TRIOBP: variants seen among roughly 807,000 people sequenced by gnomAD.
TRIOBP encodes TRIO and F-actin binding protein, also known as TRIO and F-actin-binding protein.
Under a neutral mutation model 238.8 loss-of-function variants are expected in TRIOBP, and 169 were observed. The observed-to-expected ratio is 0.71, with a 90% CI of 0.62 to 0.80. The LOEUF (loss-of-function observed/expected upper bound fraction) is 0.80. TRIOBP is among the 30% of genes least tolerant of loss of function. The pLI is 0.00. For missense variants in TRIOBP, 2,838 were observed against 3,122.6 expected (o/e 0.91, Z 2.17); for synonymous variants, 1,150 against 1,274.4 (o/e 0.90, Z 2.08).
At chr22:37,710,401 G>T in intron 3 of TRIOBP, 26 bp from the exon 4 acceptor site, 2 of 1,612,534 alleles carry the variant, frequency 1.2e-6, no homozygotes, top group Non-Finnish European at 8.5e-7. Context: ...GCGCTGAGCT[G>T]TCTCCTCTCT....
Position 37,735,241 on chromosome 22 carries a change from G to A in TRIOBP, c.4905G>A (p.Glu1635=). ...ACAGCCAGCCAGAAGGCTGGGCCGA[G>A]GCCACCCCAGTCAATGGACACAGCC... ...ESHSQPEGWA[E]ATPVNGHSPA... Residue 1635 remains glutamate (E), a synonymous_variant, in exon 9 of 24, where the codon GAG becomes GAA. Coordinates refer to ENST00000644935, the MANE Select transcript of TRIOBP (RefSeq NM_001039141.3). The A allele has an allele frequency of 6.2e-7, 1 of 1,604,210 alleles. No individual in the cohort carries two copies. Among genetic ancestry groups the A allele is most frequent in the African/African-American group, 1.3e-5 (1 of 74,840 alleles).
intron 3 of TRIOBP, among the ~76,000 whole-genome samples, chr22:37,707,419 G>A (rs1923001880): frequency 6.6e-6 from 1 of 152,124 alleles, no homozygotes; most frequent in African/African-American, 2.4e-5. Context: ...AGGAATGGGT[G>A]GGTTTTTTTT....
chr22:37,754,303 C>T (rs575078538), intron 12 of TRIOBP, among the ~76,000 whole-genome samples: 10 of 150,592 alleles, frequency 6.6e-5, no homozygotes, highest in African/African-American at 2.2e-4. Context: ...CCCAGCTACT[C>T]GGGAGGCTAA....
chr22:37,747,363 T>G (rs1925337251), intron 11 of TRIOBP, among the ~76,000 whole-genome samples: 1 of 150,838 alleles, frequency 6.6e-6, no homozygotes, highest in African/African-American at 2.4e-5. Context: ...GACAGCCCAG[T>G]GGCCCTCCTG....
At chr22:37,736,289 T>C (rs1185169651) in intron 9 of TRIOBP, among the ~76,000 whole-genome samples, 1 of 152,154 alleles carries the variant, frequency 6.6e-6, no homozygotes, top group African/African-American at 2.4e-5. Flanking sequence ...CACCAGCCTC[T>C]CTCTCTCTCT....
At chr22:37,733,993 G>A (rs1335635788) in intron 8 of TRIOBP, among the ~76,000 whole-genome samples, 1 of 152,236 alleles carries the variant, frequency 6.6e-6, no homozygotes, top group East Asian at 1.9e-4. Flanking sequence ...GCAGATTTCA[G>A]GGAAAGCCTT....
At chr22:37,697,954 C>A (rs1403158995) in intron 2 of TRIOBP, among the ~76,000 whole-genome samples, 1 of 152,054 alleles carries the variant, frequency 6.6e-6, no homozygotes, top group African/African-American at 2.4e-5. Context: ...AATCCCAGCA[C>A]TTTGGGAGGT....
intron 7 of TRIOBP, 56 bp from the exon 8 acceptor site, chr22:37,733,242 G>A (rs1924508322): frequency 1.5e-6 from 2 of 1,361,234 alleles, no homozygotes; most frequent in African/African-American, 1.4e-5. Flanking sequence ...GAGCAGAGGG[G>A]CTGGGGTGCT....
At position 37,746,285 on chromosome 22, in the gene TRIOBP, G is replaced by C. The variant is rs769533499; in HGVS notation, c.5322+5253G>C. ...GGCAGCGTCGGGGAAAGGAAGGGCC[G>C]GAGGCGCGGCGGCGGGCGGCCGAGA... On this transcript the variant is annotated intron_variant, in intron 11 of 23. Coordinates refer to ENST00000644935, the MANE Select transcript of TRIOBP (RefSeq NM_001039141.3). 9.2e-6 allele frequency: 10 copies of C among 1,088,996 alleles called. No individual in the cohort carries two copies. The Middle Eastern group carries it at 1.6e-3, about 177-fold the overall frequency. The allele number at this position is 1,088,996 out of a possible 1,614,324, so 67.5% of individuals were successfully genotyped here.
chr22:37,729,047 C>A (rs1924305691), intron 7 of TRIOBP, among the ~76,000 whole-genome samples: 1 of 152,156 alleles, frequency 6.6e-6, no homozygotes, highest in African/African-American at 2.4e-5. Flanking sequence ...TCCCGAGGAG[C>A]TGGGACTACA....
rs1453192386 is a variant in TRIOBP at position 37,733,377 on chromosome 22, C to T, written c.4027C>T (p.Leu1343Phe). 1 of 1,551,202 alleles carries T rather than the reference C, an allele frequency of 6.4e-7. No individual in the cohort carries two copies. The highest frequency in any genetic ancestry group is 2.4e-5 in the East Asian group (1 of 40,998). Reference sequence around the variant, plus strand: ...GCCCAGCCAAGGCCAGAGCCAACTTCTCCGAAGACAGTCCAGCCCTGCCCC... The same window carrying T: ...GCCCAGCCAAGGCCAGAGCCAACTTTTCCGAAGACAGTCCAGCCCTGCCCC... Reference protein sequence around the residue: ...QQPSQGQSQLLRRQSSPAPSR... With the variant: ...QQPSQGQSQLFRRQSSPAPSR... Residue 1343 changes from leucine to phenylalanine, a missense_variant, in exon 8 of 24, where the codon CTC becomes TTC. Coordinates refer to ENST00000644935, the MANE Select transcript of TRIOBP (RefSeq NM_001039141.3).
intron 4 of TRIOBP, among the ~76,000 whole-genome samples, 173 bp from the exon 5 acceptor site, chr22:37,713,037 A>G (rs1335391517): frequency 6.6e-6 from 1 of 151,910 alleles, no homozygotes; most frequent in African/African-American, 2.4e-5. Context: ...GTTTTAGCTC[A>G]ATGAGGCAAT....
intron 7 of TRIOBP, among the ~76,000 whole-genome samples, chr22:37,731,870 G>A (rs1412774895): frequency 3.3e-5 from 5 of 152,212 alleles, no homozygotes; most frequent in South Asian, 2.1e-4. Context: ...GATTACAGGC[G>A]TGACCCATTG....
Position 37,746,044 on chromosome 22 carries a change from CCCCGCCGT to C in TRIOBP, c.5322+5028_5322+5035del, listed in dbSNP as rs1180717810. On this transcript the variant is annotated intron_variant, in intron 11 of 23. Coordinates refer to ENST00000644935, the MANE Select transcript of TRIOBP (RefSeq NM_001039141.3). ...CCTTCCCTGCGGCCCCATCCGCCCA[CCCCGCCGT>C]CCCGCCGTCCCGCCGCCCCGCCGCC... Among the ~76,000 whole-genome samples, 2,096 of 134,588 alleles carry C rather than the reference CCCCGCCGT, an allele frequency of 0.016. 34 individuals are homozygous for C. The highest frequency in any genetic ancestry group is 0.042 in the African/African-American group (1,602 of 38,022). 88.3% of individuals were successfully genotyped at this position (134,588 alleles called of 152,430 possible). A position where few individuals can be genotyped will look rare whatever the true frequency, so the allele number is the denominator to read the frequency against.
chr22:37,726,495 A>G lies in TRIOBP; in HGVS notation c.3939A>G (p.Gln1313=). The change falls in exon 7 of 24, where the codon CAA becomes CAG. Residue 1313 remains glutamine (Q), a synonymous_variant. Coordinates refer to ENST00000644935, the MANE Select transcript of TRIOBP (RefSeq NM_001039141.3). ...GRAEVERLFG[Q]ERRKSEAAGA... Reference sequence around the variant, plus strand: ...CAGAGGTGGAGCGCCTCTTCGGGCAAGAGCGCAGGTGAGCCCGGGGGTGGG... The same window carrying G: ...CAGAGGTGGAGCGCCTCTTCGGGCAGGAGCGCAGGTGAGCCCGGGGGTGGG... The G allele has an allele frequency of 1.3e-6, 2 of 1,516,886 alleles. No individual in the cohort carries two copies. Among genetic ancestry groups the G allele is most frequent in the Non-Finnish European group, 8.8e-7 (1 of 1,138,016 alleles). 94.0% of individuals were successfully genotyped at this position (1,516,886 alleles called of 1,614,324 possible). A position where few individuals can be genotyped will look rare whatever the true frequency, so the allele number is the denominator to read the frequency against.
rs1397665316 is a variant in TRIOBP, at chr22:37,713,398, A to C, written c.443A>C (p.Asn148Thr). The C allele has an allele frequency of 1.9e-6, 3 of 1,613,046 alleles. No individual in the cohort carries two copies. Among genetic ancestry groups the C allele is most frequent in the South Asian group, 1.1e-5 (1 of 91,074 alleles). Reference protein sequence around the residue: ...PDSATPDDTSNSSSVDWDTVE... With the variant: ...PDSATPDDTSTSSSVDWDTVE... ...TCCGCCACCCCTGATGATACCAGCA[A>C]CTCGTCCTCTGTGGTGAGCCAGGAG... is the stretch of plus-strand genomic sequence containing the variant. Residue 148 changes from asparagine to threonine, a missense_variant, in exon 5 of 24, where the codon AAC (asparagine) becomes ACC (threonine). Physicochemically the swap from Asn to Thr is moderately conservative, Grantham distance 65. Coordinates refer to ENST00000644935, the MANE Select transcript of TRIOBP (RefSeq NM_001039141.3).
intron 7 of TRIOBP, 72 bp from the exon 8 acceptor site, chr22:37,733,226 A>T: frequency 8.4e-7 from 1 of 1,189,696 alleles, no homozygotes; most frequent in Non-Finnish European, 1.2e-6. Context: ...CTCCTGTTGG[A>T]GGTGGGAGCA....
chr22:37,697,383 C>A (rs561357098), intron 1 of TRIOBP, among the ~76,000 whole-genome samples: 1 of 152,222 alleles, frequency 6.6e-6, no homozygotes. Context: ...GCGGCGTTCT[C>A]CTGCTAGGCG....
Position 37,713,410 on chromosome 22 carries a change from TGG to T in TRIOBP, c.456_456+1del. The T allele has an allele frequency of 6.2e-7, 1 of 1,612,638 alleles. No homozygotes were observed. The highest frequency in any genetic ancestry group is 1.3e-5 in the African/African-American group (1 of 75,030). ...GATGATACCAGCAACTCGTCCTCTG[TGG>T]TGAGCCAGGAGTGGGAGTTTGGGGG... On this transcript the variant is annotated splice_donor_variant and coding_sequence_variant, in exon 5 of 24. Coordinates refer to ENST00000644935, the MANE Select transcript of TRIOBP (RefSeq NM_001039141.3). LOFTEE classifies it high-confidence loss of function.
Sources: gnomAD v4.1 joint callset for allele counts (sites outside exome capture counted in the v4.1 genomes callset) on GRCh38, gnomAD v4.1.1 for gene constraint, MANE v1.5 for transcripts, NCBI Gene and HGNC (gene_info 2026-07-23, HGNC 2026-07-21) for gene names.